Variants in HK1 observed in about 807,000 individuals in gnomAD.
HK1 encodes hexokinase-1.
Under a neutral mutation model 91.6 loss-of-function variants are expected in HK1, and 28 were observed. That is an observed-to-expected ratio of 0.31 (90% CI 0.23 to 0.42). HK1 has a LOEUF of 0.42. Among genes scored for constraint, HK1 ranks in the 10% least tolerant of loss-of-function variants. The pLI is 1.00. For missense variants in HK1, 770 were observed against 1,219.8 expected (o/e 0.63, Z 5.49); for synonymous variants, 430 against 468.1 (o/e 0.92, Z 1.05).
rs144213734 is a variant in HK1 at position 69,390,306 on chromosome 10, T to G, written c.2035+1010T>G. On this transcript the variant is annotated intron_variant, in intron 14 of 17. Transcript: ENST00000359426. The stretch of plus-strand genomic sequence containing the variant: ...TAGAGTGACACAGCAGCTCTCCTCC[T>G]CCTGCAGGCCCCACCTTCCCTCCTG... Among the ~76,000 whole-genome samples the G allele has an allele frequency of 5.8e-3, 886 of 152,336 alleles. 6 individuals are homozygous for G. Among genetic ancestry groups the G allele is most frequent in the African/African-American group, 0.02 (832 of 41,582 alleles).
At chr10:69,312,440 T>C (rs779552616), upstream of HK1, among the ~76,000 whole-genome samples, 2 of 152,086 alleles carry the variant, frequency 1.3e-5, no homozygotes, top group African/African-American at 4.8e-5. Flanking sequence ...AGTTTCACCA[T>C]GTTGGCCAGC....
chr10:69,300,392 TCATGAGGCA>T, intron 4 of HK1: 1 of 576,360 alleles, frequency 1.7e-6, no homozygotes, highest in Non-Finnish European at 3.1e-6. Context: ...TGCTTTTTTT[TCATGAGGCA>T]TTTTATTTGT....
intron 13 of HK1, 32 bp from the exon 14 acceptor site, chr10:69,389,165 A>G (rs761195771): frequency 8.4e-6 from 13 of 1,552,228 alleles, no homozygotes; most frequent in Admixed American, 3.4e-5. Flanking sequence ...TAGTGATCCT[A>G]TTCCTAAAGC....
intron 1 of HK1, 56 bp from the exon 2 acceptor site, chr10:69,343,771 A>G: frequency 4.2e-6 from 6 of 1,441,680 alleles, no homozygotes; most frequent in Non-Finnish European, 5.9e-6. Flanking sequence ...TGGGTGCCTC[A>G]CCTTGCCCTG....
At chr10:69,400,839 G>A in intron 17 of HK1, 152 bp from the exon 18 acceptor site, 3 of 811,918 alleles carry the variant, frequency 3.7e-6, no homozygotes, top group Non-Finnish European at 4.1e-6. Flanking sequence ...TTTGACTTCC[G>A]ATGCTTATGT....
chr10:69,301,169 T>G (rs902702844), intron 5 of HK1, among the ~76,000 whole-genome samples: 16 of 143,588 alleles, frequency 1.1e-4, no homozygotes, highest in African/African-American at 3.9e-4. Context: ...TGCTTGAACC[T>G]GGGAGATGGA....
chr10:69,390,437 C>T (rs1165367586), intron 14 of HK1, among the ~76,000 whole-genome samples: 3 of 152,236 alleles, frequency 2.0e-5, no homozygotes, highest in African/African-American at 7.2e-5. Flanking sequence ...TTGCTCAGGA[C>T]TCCCATAGGC....
chr10:69,364,163 GT>G (rs1316316163), intron 3 of HK1, among the ~76,000 whole-genome samples: 1 of 152,228 alleles, frequency 6.6e-6, no homozygotes, highest in Non-Finnish European at 1.5e-5. Context: ...TATTACAGGT[GT>G]TTCTCCATCT....
Position 69,341,854 on chromosome 10 carries a change from G to A in HK1, c.64-1973G>A, listed in dbSNP as rs146111189. On this transcript the variant is annotated intron_variant, in intron 1 of 17. Transcript: ENST00000359426. ...AAAAAGGTGGTAGGGCTAGTGGTTAGGAGTGGGGGCAAGGATCATCCTTGG... is the reference window on the plus strand; with the variant it reads ...AAAAAGGTGGTAGGGCTAGTGGTTAAGAGTGGGGGCAAGGATCATCCTTGG... Among the ~76,000 whole-genome samples, 1,097 of 152,166 alleles carry A rather than the reference G, an allele frequency of 7.2e-3. 18 individuals are homozygous for A. Among genetic ancestry groups the A allele is most frequent in the African/African-American group, 0.025 (1,036 of 41,520 alleles).
At chr10:69,367,208 C>T (rs527946299) in intron 4 of HK1, among the ~76,000 whole-genome samples, 1 of 152,170 alleles carries the variant, frequency 6.6e-6, no homozygotes, top group Non-Finnish European at 1.5e-5. Flanking sequence ...GCCTTCACCC[C>T]CTCTGGAGAA....
At chr10:69,307,226 G>A (rs146471567) in intron 5 of HK1, among the ~76,000 whole-genome samples, 36 of 152,248 alleles carry the variant, frequency 2.4e-4, no homozygotes, top group African/African-American at 8.7e-4. Flanking sequence ...AGCGAGAGAG[G>A]AGACATACTC....
chr10:69,287,723 T>C (rs893464377), intron 2 of HK1, among the ~76,000 whole-genome samples: 13 of 152,172 alleles, frequency 8.5e-5, no homozygotes, highest in African/African-American at 3.1e-4. Context: ...ACCACTGAAT[T>C]ATACACTTTA....
intron 13 of HK1, 93 bp downstream of exon 13, chr10:69,386,511 TG>T: frequency 1.9e-6 from 2 of 1,027,668 alleles, no homozygotes; most frequent in South Asian, 1.3e-5. Context: ...AGGCCAGGCG[TG>T]GTGGCTCACG....
chr10:69,401,211 T>C lies in HK1; in HGVS notation c.*76T>C. 1.3e-6 allele frequency: 2 copies of C among 1,529,008 alleles called. No individual in the cohort carries two copies. Among genetic ancestry groups the C allele is most frequent in the South Asian group, 2.3e-5 (2 of 85,762 alleles). 94.7% of individuals were successfully genotyped at this position (1,529,008 alleles called of 1,614,324 possible). A position where few individuals can be genotyped will look rare whatever the true frequency, so the allele number is the denominator to read the frequency against. ...GGCGACCCCCTACCCTCCCAGCGAG[T>C]TGCGCTGGGAGACGCTGGCGCCAGG... On this transcript the variant is annotated 3_prime_UTR_variant, in exon 18 of 18. Coordinates refer to ENST00000359426, the MANE Select transcript of HK1 (RefSeq NM_000188.3).
Position 69,348,719 on chromosome 10 carries a change from G to A in HK1, c.226+4730G>A, listed in dbSNP as rs531963875. Among the ~76,000 whole-genome samples, 97 of 152,016 alleles carry A rather than the reference G, an allele frequency of 6.4e-4. 1 individual carries two copies. Among genetic ancestry groups the A allele is most frequent in the Admixed American group, 1.2e-3 (19 of 15,270 alleles). ...CCAGCTACCTGGGAGGCTGAGGCACGAGAATCACTTGAACCTGGGAGGCAG... is the reference window on the plus strand; with the variant it reads ...CCAGCTACCTGGGAGGCTGAGGCACAAGAATCACTTGAACCTGGGAGGCAG... On this transcript the variant is annotated intron_variant, in intron 2 of 17. Transcript: ENST00000359426.
intron 1 of HK1, among the ~76,000 whole-genome samples, chr10:69,323,472 G>C (rs1276966570): frequency 7.2e-6 from 1 of 138,184 alleles, no homozygotes; most frequent in Non-Finnish European, 1.5e-5. Flanking sequence ...GTGATGCTAT[G>C]ATTGTGTTAC....
chr10:69,293,893 C>A (rs12257270), intron 3 of HK1, among the ~76,000 whole-genome samples: 2 of 144,238 alleles, frequency 1.4e-5, no homozygotes, highest in African/African-American at 5.2e-5. Flanking sequence ...ACAGAGTCTC[C>A]CACTTTGGCT....
At chr10:69,315,848 T>C, upstream of HK1, 1 of 1,088,056 alleles carries the variant, frequency 9.2e-7, no homozygotes, top group Non-Finnish European at 1.4e-6. Context: ...AGGACTAGGC[T>C]GGAGTCCTGG....
intron 1 of HK1, among the ~76,000 whole-genome samples, chr10:69,325,273 G>A (rs965946946): frequency 2.6e-5 from 4 of 151,466 alleles, no homozygotes; most frequent in Non-Finnish European, 4.4e-5. Flanking sequence ...GGATGGTCTC[G>A]ATCTCCTGAT....
Sources: gnomAD v4.1 joint callset for allele counts (sites outside exome capture counted in the v4.1 genomes callset) on GRCh38, gnomAD v4.1.1 for gene constraint, MANE v1.5 for transcripts, NCBI Gene and HGNC (gene_info 2026-07-23, HGNC 2026-07-21) for gene names.